The following DCDC2 variants were observed in gnomAD, a reference collection of about 807,000 sequenced individuals.
DCDC2 encodes the protein doublecortin domain containing 2.
In DCDC2, 40 loss-of-function variants were observed where a neutral mutation model predicts 50.2. That is an observed-to-expected ratio of 0.80 (90% CI 0.62 to 1.04). The LOEUF (loss-of-function observed/expected upper bound fraction) is 1.04, where lower values mean the gene tolerates loss of function less well. Among genes scored for constraint, DCDC2 ranks in the 50% least tolerant of loss-of-function variants. The pLI is 0.00. For missense variants in DCDC2, 570 were observed against 581.9 expected, an observed-to-expected ratio of 0.98 and a Z score of 0.21; for synonymous variants, 234 against 210.6, an observed-to-expected ratio of 1.11 and a Z score of -0.96.
chr6:24,313,681 C>T (rs1009897717), intron 2 of DCDC2, among the ~76,000 whole-genome samples: 4 of 152,212 alleles, frequency 2.6e-5, no homozygotes, highest in African/African-American at 9.7e-5. Flanking sequence ...CATTTAGCCC[C>T]CAGGATTCCC....
At chr6:24,193,610 A>C (rs1047416735) in intron 8 of DCDC2, among the ~76,000 whole-genome samples, 2 of 152,182 alleles carry the variant, frequency 1.3e-5, no homozygotes, top group African/African-American at 4.8e-5. Context: ...GTTACCCAAG[A>C]AAGGAAATGT....
intron 7 of DCDC2, among the ~76,000 whole-genome samples, chr6:24,264,370 T>C (rs1468742679): frequency 6.6e-6 from 1 of 152,200 alleles, no homozygotes; most frequent in Non-Finnish European, 1.5e-5. Context: ...AAACTGGTAA[T>C]ATCTTCAGTT....
intron 4 of DCDC2, among the ~76,000 whole-genome samples, chr6:24,294,755 C>T (rs1561763015): frequency 6.6e-6 from 1 of 152,070 alleles, no homozygotes; most frequent in Non-Finnish European, 1.5e-5. Context: ...ATACACCCTC[C>T]CAAGACTGAA....
intron 7 of DCDC2, among the ~76,000 whole-genome samples, chr6:24,224,072 A>C (rs878983306): frequency 1.5e-5 from 2 of 130,598 alleles, no homozygotes; most frequent in Admixed American, 1.5e-4. Context: ...TCAAGACAGA[A>C]AAAAAAAAGG....
rs71002475 is a variant in DCDC2 at position 24,210,019 on chromosome 6, G to GGTGTGTGTGTGTGTGTGTGTGT, written c.923-4939_923-4918dup. 4.0e-4 allele frequency among the ~76,000 whole-genome samples: 58 copies of GGTGTGTGTGTGTGTGTGTGTGT among 145,260 alleles called. 1 individual carries two copies. The highest frequency in any genetic ancestry group is 1.5e-3 in the African/African-American group (57 of 38,002). ...GCAGCTTTTAATGCAGCAGTATCAGGGTGTGTGTGTGTGTGTGTGTGTGTG... is the reference window on the plus strand; with the variant it reads ...GCAGCTTTTAATGCAGCAGTATCAGGGTGTGTGTGTGTGTGTGTGTGTGTGTGTGTGTGTGTGTGTGTGTGTG... On this transcript the variant is annotated intron_variant, in intron 7 of 9. Coordinates refer to ENST00000378454, the MANE Select transcript of DCDC2 (RefSeq NM_016356.5).
intron 8 of DCDC2, among the ~76,000 whole-genome samples, chr6:24,201,150 G>A (rs1761578608): frequency 6.6e-6 from 1 of 152,082 alleles, no homozygotes; most frequent in South Asian, 2.1e-4. Flanking sequence ...CAACCAAGCA[G>A]ACCTAATAGA....
chr6:24,343,929 A>G (rs992025955), intron 2 of DCDC2, among the ~76,000 whole-genome samples: 6 of 152,256 alleles, frequency 3.9e-5, no homozygotes, highest in African/African-American at 1.4e-4. Context: ...AAATCAAGCT[A>G]GTTAACATAT....
the DCDC2 span, among the ~76,000 whole-genome samples, chr6:24,374,123 C>A: frequency 7.1e-6 from 1 of 140,188 alleles, no homozygotes; most frequent in African/African-American, 2.7e-5. Flanking sequence ...GACTGGGCTA[C>A]TGAACTCCAG....
chr6:24,357,430 G>A (rs1561787124), intron 1 of DCDC2, 28 bp downstream of exon 1: 5 of 1,570,222 alleles, frequency 3.2e-6, no homozygotes, highest in Non-Finnish European at 4.3e-6. Flanking sequence ...GCACCTAAAT[G>A]GGTGGGCGGT....
At chr6:24,303,209 C>T (rs2113839366) in intron 2 of DCDC2, among the ~76,000 whole-genome samples, 1 of 152,072 alleles carries the variant, frequency 6.6e-6, no homozygotes, top group Non-Finnish European at 1.5e-5. Flanking sequence ...CCGACTTCCT[C>T]CCTATCCTCT....
intron 2 of DCDC2, 28 bp from the exon 3 acceptor site, chr6:24,302,072 A>T (rs761200294): frequency 6.3e-7 from 1 of 1,591,676 alleles, no homozygotes; most frequent in South Asian, 1.1e-5. Context: ...AAAAAATATA[A>T]ACCACTAAGC....
chr6:24,301,009 A>C (rs1759358945), intron 4 of DCDC2, among the ~76,000 whole-genome samples: 1 of 151,692 alleles, frequency 6.6e-6, no homozygotes. Flanking sequence ...TTTTTACCCT[A>C]GGCAAATAGT....
chr6:24,316,607 T>C (rs1242455430), intron 2 of DCDC2, among the ~76,000 whole-genome samples: 2 of 152,194 alleles, frequency 1.3e-5, no homozygotes, highest in Non-Finnish European at 1.5e-5. Flanking sequence ...GAGGCAAAAC[T>C]ACCTTACTGA....
Position 24,212,745 on chromosome 6 carries a change from T to C in DCDC2, c.923-7643A>G, listed in dbSNP as rs190875460. 1.3e-4 allele frequency among the ~76,000 whole-genome samples: 20 copies of C among 152,340 alleles called. No individual in the cohort carries two copies. The East Asian group carries it at 3.9e-3, about 29-fold the overall frequency. ...AGACATTTTAGTGTATATTACACGG[T>C]AAAGCCATAACAAACACTCTAGTAA... is the stretch of plus-strand genomic sequence containing the variant. On this transcript the variant is annotated intron_variant, in intron 7 of 9. Coordinates refer to ENST00000378454, the MANE Select transcript of DCDC2 (RefSeq NM_016356.5).
rs807702 is a variant in DCDC2, at chr6:24,302,277, A to G, written c.349-233T>C. 1.0e-2 allele frequency among the ~76,000 whole-genome samples: 1,350 copies of G among 135,032 alleles called. 22 individuals carry two copies. Among genetic ancestry groups the G allele is most frequent in the African/African-American group, 0.036 (1,253 of 34,668 alleles). The allele number at this position is 135,032 out of a possible 152,430, so 88.6% of individuals were successfully genotyped here. On this transcript the variant is annotated intron_variant, in intron 2 of 9. Transcript: ENST00000378454. The stretch of plus-strand genomic sequence containing the variant: ...AAAATTTCCCTTAAGCCCTAGGCAC[A>G]CTGCTCATGATCTGTGGAAAAAAAA...
At chr6:24,307,904 G>A (rs965296398) in intron 2 of DCDC2, among the ~76,000 whole-genome samples, 1 of 152,100 alleles carries the variant, frequency 6.6e-6, no homozygotes, top group Non-Finnish European at 1.5e-5. Flanking sequence ...CACTTTGTTA[G>A]GATGCAAAGA....
At chr6:24,337,792 C>T (rs1375341573) in intron 2 of DCDC2, among the ~76,000 whole-genome samples, 2 of 73,468 alleles carry the variant, frequency 2.7e-5, no homozygotes, top group East Asian at 3.9e-4. Context: ...AGCAAGACTC[C>T]GTCTCAAAAA....
chr6:24,221,306 A>AC (rs1319990159), intron 7 of DCDC2, among the ~76,000 whole-genome samples: 2 of 151,846 alleles, frequency 1.3e-5, no homozygotes, highest in Admixed American at 1.3e-4. Flanking sequence ...AGACCCCTCA[A>AC]CCCCAAAGGG....
the DCDC2 span, among the ~76,000 whole-genome samples, chr6:24,375,952 T>C: frequency 6.6e-6 from 1 of 152,098 alleles, no homozygotes; most frequent in Non-Finnish European, 1.5e-5. Flanking sequence ...GATTCACAGA[T>C]ATATGAGCAT....
Sources: gnomAD v4.1 joint callset for allele counts (sites outside exome capture counted in the v4.1 genomes callset) on GRCh38, gnomAD v4.1.1 for gene constraint, MANE v1.5 for transcripts, NCBI Gene and HGNC (gene_info 2026-07-23, HGNC 2026-07-21) for gene names.